The following TMEM164 variants were observed in gnomAD, a reference collection of about 807,000 sequenced individuals.
TMEM164 encodes the protein transmembrane protein 164.
Under a neutral mutation model 18.8 loss-of-function variants are expected in TMEM164, and 4 were observed. The ratio of observed to expected loss-of-function variants is 0.21; its 90% CI spans 0.10 to 0.49. The LOEUF is 0.49. Ranked by LOEUF, TMEM164 falls within the 20% of genes least tolerant of loss-of-function variation. The pLI is 0.98. For synonymous variants in TMEM164, 86 were observed against 101.7 expected, an observed-to-expected ratio of 0.85 and a Z score of 0.93; for missense variants, 108 against 239.9, an observed-to-expected ratio of 0.45 and a Z score of 3.63.
chrX:110,005,599 G>A (rs775407246), intron 2 of TMEM164, among the ~76,000 whole-genome samples: 14 of 112,396 alleles, frequency 1.2e-4, no homozygotes, highest in Non-Finnish European at 2.3e-4. Flanking sequence ...TTTTGATTGG[G>A]TGGCTGTAAG....
At chrX:110,181,995 C>T (rs1478119837), downstream of TMEM164, among the ~76,000 whole-genome samples, 1 of 111,657 alleles carries the variant, frequency 9.0e-6, no homozygotes, top group Non-Finnish European at 1.9e-5. Context: ...CAGGTGATAC[C>T]TCAGTTTATT....
At chrX:110,100,040 C>G (rs997858760) in intron 3 of TMEM164, among the ~76,000 whole-genome samples, 1 of 112,206 alleles carries the variant, frequency 8.9e-6, no homozygotes, top group African/African-American at 3.2e-5. Flanking sequence ...GTGTTGACTT[C>G]GCATCCTGTG....
chrX:110,077,470 G>A (rs1279571624), intron 3 of TMEM164, among the ~76,000 whole-genome samples: 1 of 111,336 alleles, frequency 9.0e-6, no homozygotes, highest in East Asian at 2.8e-4. Flanking sequence ...CATTAATATT[G>A]ATATATGAGG....
downstream of TMEM164, chrX:110,182,327 G>A (rs1458535832): frequency 9.0e-6 from 1 of 111,606 alleles, no homozygotes; most frequent in South Asian, 3.8e-4. Flanking sequence ...GCCAGGCAAG[G>A]CTTCTGCTTC....
At chrX:110,160,620 G>A (rs954724791) in intron 5 of TMEM164, among the ~76,000 whole-genome samples, 1 of 111,822 alleles carries the variant, frequency 8.9e-6, no homozygotes, top group Non-Finnish European at 1.9e-5. Flanking sequence ...TGGGGTGGAG[G>A]GCCTGCTTCA....
chrX:110,004,964 G>C (rs762301153), intron 2 of TMEM164, among the ~76,000 whole-genome samples: 1 of 112,452 alleles, frequency 8.9e-6, no homozygotes, highest in African/African-American at 3.2e-5. Flanking sequence ...AAGGCAAGTT[G>C]CCAGATACAT....
chrX:110,059,690 C>A (rs779463450), intron 2 of TMEM164, among the ~76,000 whole-genome samples: 2 of 112,113 alleles, frequency 1.8e-5, no homozygotes, highest in Admixed American at 9.5e-5. Flanking sequence ...TGCAGCCCAA[C>A]ACAAATTCAT....
chrX:110,181,212 C>T (rs1463505354), downstream of TMEM164, among the ~76,000 whole-genome samples: 1 of 112,050 alleles, frequency 8.9e-6, no homozygotes, highest in African/African-American at 3.3e-5. Context: ...ATCTCTTTGA[C>T]CTGACCGTCT....
At chrX:110,133,815 G>T (rs1027317697) in intron 4 of TMEM164, among the ~76,000 whole-genome samples, 2 of 111,655 alleles carry the variant, frequency 1.8e-5, no homozygotes, top group African/African-American at 6.5e-5. Flanking sequence ...AAATGACTTT[G>T]GATACTTGGA....
At chrX:110,053,730 AAGGTAACC>A (rs1423056850) in intron 2 of TMEM164, among the ~76,000 whole-genome samples, 3 of 111,483 alleles carry the variant, frequency 2.7e-5, no homozygotes, top group African/African-American at 9.8e-5. Flanking sequence ...GACGAGTTTC[AAGGTAACC>A]AGGTCATCCT....
intron 2 of TMEM164, among the ~76,000 whole-genome samples, chrX:110,045,331 A>T (rs1305868581): frequency 8.9e-6 from 1 of 111,935 alleles, no homozygotes; most frequent in Non-Finnish European, 1.9e-5. Flanking sequence ...AATGGGGGTA[A>T]AGGGGGCTAA....
At chrX:110,127,406 G>T (rs775622686) in intron 4 of TMEM164, among the ~76,000 whole-genome samples, 1 of 111,448 alleles carries the variant, frequency 9.0e-6, no homozygotes, top group Non-Finnish European at 1.9e-5. Flanking sequence ...CCAGCTACTC[G>T]GGAGGCTGAG....
At chrX:110,160,763 CAG>C (rs2067082960) in intron 5 of TMEM164, among the ~76,000 whole-genome samples, 1 of 111,912 alleles carries the variant, frequency 8.9e-6, no homozygotes. Flanking sequence ...TGTTTTGAGA[CAG>C]AGTCTTGCTC....
chrX:110,165,357 C>T (rs1029062309), intron 5 of TMEM164, among the ~76,000 whole-genome samples: 2 of 113,078 alleles, frequency 1.8e-5, no homozygotes, highest in Admixed American at 9.3e-5. Flanking sequence ...CCACATGTGG[C>T]AAGTGGCTAC....
chrX:110,108,244 T>C lies in TMEM164; in HGVS notation c.441-836T>C, dbSNP rs148246957. Among the ~76,000 whole-genome samples the C allele has an allele frequency of 5.1e-3, 561 of 109,913 alleles. 3 individuals carry two copies. The highest frequency in any genetic ancestry group is 0.018 in the African/African-American group (535 of 30,136). ...CTTCAAGAGGAACAGACTGTCATTC[T>C]TTTCATCTCTCTTAGTAGTAAAGAA... On this transcript the variant is annotated intron_variant, in intron 3 of 6. Transcript: ENST00000372068.
intron 2 of TMEM164, among the ~76,000 whole-genome samples, chrX:110,037,984 ATTTTTTTTTTT>A (rs1036705725): frequency 2.3e-4 from 17 of 72,696 alleles, no homozygotes; most frequent in Admixed American, 8.3e-4. Context: ...CTTTGGACTC[ATTTTTTTTTTT>A]TTTTTTTTTT....
chrX:110,038,171 T>G (rs1178224489), intron 2 of TMEM164, among the ~76,000 whole-genome samples: 9 of 108,104 alleles, frequency 8.3e-5, no homozygotes, highest in Non-Finnish European at 1.7e-4. Context: ...TTTGTATTTT[T>G]AGTAGAGAAC....
chrX:110,131,355 G>A (rs1456094461), intron 4 of TMEM164, among the ~76,000 whole-genome samples: 1 of 111,686 alleles, frequency 9.0e-6, no homozygotes, highest in Non-Finnish European at 1.9e-5. Flanking sequence ...CATGCCATCT[G>A]ATGCTCAGGT....
chrX:110,004,188 G>A (rs1413083572), intron 2 of TMEM164, 24 bp downstream of exon 2: 2 of 1,175,065 alleles, frequency 1.7e-6, no homozygotes, highest in South Asian at 3.8e-5. Flanking sequence ...CTTTTTCCTG[G>A]GCATCCTAAG....
Sources: allele counts gnomAD v4.1 joint callset (sites outside exome capture counted in the v4.1 genomes callset), GRCh38; gene constraint gnomAD v4.1.1; transcripts MANE v1.5; gene names NCBI Gene and HGNC (gene_info 2026-07-23, HGNC 2026-07-21).